BRMS1L: variants seen among roughly 807,000 people sequenced by gnomAD.
BRMS1L encodes BRMS1 like transcriptional repressor.
In BRMS1L, 23 loss-of-function variants were observed where a neutral mutation model predicts 50.3. That is an observed-to-expected ratio of 0.46 (90% CI 0.33 to 0.65). The LOEUF (loss-of-function observed/expected upper bound fraction) is 0.65, where lower values mean the gene tolerates loss of function less well. Ranked by LOEUF, BRMS1L falls within the 30% of genes least tolerant of loss-of-function variation. The pLI is 0.02. For synonymous variants in BRMS1L, 114 were observed against 126.9 expected, an observed-to-expected ratio of 0.90 and a Z score of 0.69; for missense variants, 286 against 386.1, an observed-to-expected ratio of 0.74 and a Z score of 2.17.
intron 4 of BRMS1L, among the ~76,000 whole-genome samples, chr14:35,844,101 A>G (rs950760743): frequency 1.3e-5 from 2 of 152,166 alleles, no homozygotes; most frequent in African/African-American, 4.8e-5. Context: ...ATTTCAAGCC[A>G]TTGGATCTTA....
chr14:35,868,006 T>C lies in BRMS1L; in HGVS notation c.828T>C (p.Ile276=), dbSNP rs776383865. The C allele has an allele frequency of 6.2e-7, 1 of 1,603,162 alleles. No homozygotes were observed. ...ATATACGTGGACAAACAATATGTAT[T>C]GATAAAAAAGATGAATGTCCTACAA... ...EWYIRGQTIC[I]DKKDECPTSA... Residue 276 remains isoleucine, a synonymous_variant, in exon 9 of 10, where the codon ATT becomes ATC. Coordinates refer to ENST00000216807, the MANE Select transcript of BRMS1L (RefSeq NM_032352.4).
intron 2 of BRMS1L, 152 bp downstream of exon 2, chr14:35,831,652 A>G (rs2077920776): frequency 1.6e-6 from 1 of 627,028 alleles, no homozygotes; most frequent in African/African-American, 1.8e-5. Context: ...TGTCTACTAA[A>G]GACCTCATTA....
intron 4 of BRMS1L, among the ~76,000 whole-genome samples, chr14:35,840,299 G>T (rs1200691350): frequency 2.0e-5 from 3 of 152,110 alleles, no homozygotes. Context: ...TTTTCATATC[G>T]ATGTTTATCA....
In BRMS1L at chr14:35,832,966, T is replaced by G; in HGVS notation, c.234-12T>G. On this transcript the variant is annotated splice_polypyrimidine_tract_variant and intron_variant, in intron 2 of 9. Transcript: ENST00000216807. ...ATTTTTAAATTAACATATTAATTTT[T>G]GCTTTGTTAAGACTTTATAAAGAAC... 6.3e-7 allele frequency: 1 copy of G among 1,582,556 alleles called. No homozygotes were observed. The highest frequency in any genetic ancestry group is 8.6e-7 in the Non-Finnish European group (1 of 1,164,146).
At chr14:35,869,293 G>A (rs1035075659) in intron 9 of BRMS1L, among the ~76,000 whole-genome samples, 4 of 152,096 alleles carry the variant, frequency 2.6e-5, no homozygotes, top group African/African-American at 9.7e-5. Context: ...GATCTTTCCT[G>A]TAGTAATTCC....
At chr14:35,838,541 T>A (rs140254574) in intron 4 of BRMS1L, among the ~76,000 whole-genome samples, 2,885 of 152,310 alleles carry the variant, frequency 0.019, 78 homozygotes, top group African/African-American at 0.064. Flanking sequence ...ATCTGTTGTT[T>A]CCTGACTTTT....
intron 1 of BRMS1L, among the ~76,000 whole-genome samples, chr14:35,826,978 C>T (rs2077854831): frequency 6.6e-6 from 1 of 152,216 alleles, no homozygotes; most frequent in Non-Finnish European, 1.5e-5. Context: ...AATGCCTCCT[C>T]TCCCCAGCCC....
intron 4 of BRMS1L, among the ~76,000 whole-genome samples, chr14:35,848,237 GTTAA>G (rs1248885679): frequency 2.0e-5 from 3 of 152,154 alleles, no homozygotes; most frequent in Non-Finnish European, 4.4e-5. Context: ...ATTAAGTCGA[GTTAA>G]TTAACATATC....
chr14:35,854,080 T>C (rs1404422267), intron 4 of BRMS1L, among the ~76,000 whole-genome samples: 1 of 152,250 alleles, frequency 6.6e-6, no homozygotes, highest in Non-Finnish European at 1.5e-5. Context: ...TCTTGCTTTT[T>C]ACCCTTCAAA....
chr14:35,854,149 G>A (rs2078249780), intron 4 of BRMS1L, among the ~76,000 whole-genome samples: 1 of 152,022 alleles, frequency 6.6e-6, no homozygotes. Context: ...ATATTTTATT[G>A]GTTTCTTGCT....
chr14:35,859,197 G>A (rs1167535425), intron 4 of BRMS1L, among the ~76,000 whole-genome samples: 4 of 152,084 alleles, frequency 2.6e-5, no homozygotes, highest in Non-Finnish European at 5.9e-5. Context: ...GCCAGCCTCA[G>A]CCTCCCAAAG....
chr14:35,826,784 G>A (rs980877644), intron 1 of BRMS1L, 126 bp downstream of exon 1: 4 of 1,364,140 alleles, frequency 2.9e-6, no homozygotes, highest in African/African-American at 2.9e-5. Flanking sequence ...GGCGGAGACT[G>A]GCTCTGGGCC....
In BRMS1L at chr14:35,871,817, T is replaced by C. The variant is rs1419736738; in HGVS notation, c.*1340T>C. The C allele has an allele frequency of 6.5e-6, 1 of 152,680 alleles. No homozygotes were observed. The highest frequency in any genetic ancestry group is 1.5e-5 in the Non-Finnish European group (1 of 68,034). The allele number at this position is 152,680 out of a possible 1,614,324, so 9.5% of individuals were successfully genotyped here. A position where few individuals can be genotyped will look rare whatever the true frequency, so the allele number is the denominator to read the frequency against. On this transcript the variant is annotated 3_prime_UTR_variant, in exon 10 of 10. Transcript: ENST00000216807. ...TCAGCAAAGTGATATTACGTTGTTC[T>C]GTTTCTAATTAACCTTAGCAAATGT...
At chr14:35,841,853 C>T (rs1258953124) in intron 4 of BRMS1L, among the ~76,000 whole-genome samples, 1 of 152,150 alleles carries the variant, frequency 6.6e-6, no homozygotes, top group Non-Finnish European at 1.5e-5. Flanking sequence ...TCTGCATGCT[C>T]CTGTATTGGT....
chr14:35,834,884 A>G lies in BRMS1L; in HGVS notation c.402A>G (p.Lys134=). The change falls in exon 4 of 10, where the codon AAA becomes AAG. Residue 134 remains lysine, a synonymous_variant. Coordinates refer to ENST00000216807, the MANE Select transcript of BRMS1L (RefSeq NM_032352.4). The part of the protein sequence containing the change: ...RELCLESVKN[K]YECEIQASRQ... ...TCTGCTTAGAATCTGTAAAGAACAAATATGAATGTGAAATTCAAGCTTCTC... is the reference window on the plus strand; with the variant it reads ...TCTGCTTAGAATCTGTAAAGAACAAGTATGAATGTGAAATTCAAGCTTCTC... 6.3e-7 allele frequency: 1 copy of G among 1,598,806 alleles called. No individual in the cohort carries two copies. Among genetic ancestry groups the G allele is most frequent in the Non-Finnish European group, 8.5e-7 (1 of 1,173,218 alleles).
Position 35,867,980 on chromosome 14 carries a change from T to C in BRMS1L, c.802T>C (p.Tyr268His). 1.2e-6 allele frequency: 2 copies of C among 1,611,670 alleles called. No homozygotes were observed. The highest frequency in any genetic ancestry group is 8.5e-7 in the Non-Finnish European group (1 of 1,179,170). ...AAGACTATATTATGATGGTGAATGG[T>C]ATATACGTGGACAAACAATATGTAT... Reference protein sequence around the residue: ...EGRLYYDGEWYIRGQTICIDK... With the variant: ...EGRLYYDGEWHIRGQTICIDK... The change falls in exon 9 of 10, where the codon TAT becomes CAT. Residue 268 changes from tyrosine to histidine, a missense_variant. Coordinates refer to ENST00000216807, the MANE Select transcript of BRMS1L (RefSeq NM_032352.4).
intron 4 of BRMS1L, among the ~76,000 whole-genome samples, chr14:35,854,779 A>C (rs981049459): frequency 6.6e-6 from 1 of 152,184 alleles, no homozygotes; most frequent in Non-Finnish European, 1.5e-5. Flanking sequence ...TTCTGTGAGC[A>C]CTGGTCAGAG....
chr14:35,861,408 C>T (rs1314263174), intron 4 of BRMS1L, among the ~76,000 whole-genome samples: 3 of 152,122 alleles, frequency 2.0e-5, no homozygotes, highest in African/African-American at 4.8e-5. Flanking sequence ...GCTGCTACCA[C>T]GGTCTTGTGG....
chr14:35,828,471 CTT>C (rs780984053), intron 1 of BRMS1L, among the ~76,000 whole-genome samples: 3 of 99,254 alleles, frequency 3.0e-5, no homozygotes, highest in Admixed American at 1.2e-4. Flanking sequence ...CATTCCCAGC[CTT>C]TTTTTTTTTT....
Sources: allele counts gnomAD v4.1 joint callset (sites outside exome capture counted in the v4.1 genomes callset), GRCh38; gene constraint gnomAD v4.1.1; transcripts MANE v1.5; gene names NCBI Gene and HGNC (gene_info 2026-07-23, HGNC 2026-07-21).